ATF2: variants seen among roughly 807,000 people sequenced by gnomAD.
ATF2 encodes the protein cyclic AMP-dependent transcription factor ATF-2.
Under a neutral mutation model 60.6 loss-of-function variants are expected in ATF2, and 24 were observed. That is an observed-to-expected ratio of 0.40 (90% CI 0.29 to 0.56). The LOEUF (loss-of-function observed/expected upper bound fraction) is 0.56. ATF2 is among the 20% of genes least tolerant of loss of function. The probability of loss-of-function intolerance (pLI) is 0.54; values close to 1 mark genes in which losing one functional copy is unlikely to be tolerated. For missense variants in ATF2, 433 were observed against 607.7 expected (o/e 0.71, Z 3.02); for synonymous variants, 206 against 215.4 (o/e 0.96, Z 0.38).
chr2:175,127,631 A>C (rs1697426562), intron 4 of ATF2, among the ~76,000 whole-genome samples: 1 of 152,078 alleles, frequency 6.6e-6, no homozygotes, highest in Admixed American at 6.5e-5. Flanking sequence ...TGGTCATTAT[A>C]TGCTCCAGCC....
At chr2:175,136,865 C>T (rs1425572353) in intron 2 of ATF2, among the ~76,000 whole-genome samples, 4 of 152,122 alleles carry the variant, frequency 2.6e-5, no homozygotes, top group Non-Finnish European at 4.4e-5. Context: ...AAAAAATGTA[C>T]TTACTGATAT....
chr2:175,097,422 A>T, intron 11 of ATF2, 22 bp downstream of exon 11: 1 of 1,612,124 alleles, frequency 6.2e-7, no homozygotes, highest in Non-Finnish European at 8.5e-7. Context: ...AGAGTGCTGA[A>T]TAATAAAAAC....
intron 9 of ATF2, 72 bp from the exon 10 acceptor site, chr2:175,111,726 G>A: frequency 1.6e-6 from 2 of 1,283,704 alleles, no homozygotes; most frequent in Non-Finnish European, 1.1e-6. Flanking sequence ...TACTGCTGTT[G>A]TAATAATTTG....
chr2:175,095,428 A>T (rs1694868955), intron 11 of ATF2, among the ~76,000 whole-genome samples: 1 of 152,166 alleles, frequency 6.6e-6, no homozygotes, highest in South Asian at 2.1e-4. Context: ...TCTTTTACTC[A>T]TCTGGCTGAA....
intron 12 of ATF2, among the ~76,000 whole-genome samples, chr2:175,091,503 C>A (rs1320725720): frequency 1.3e-5 from 2 of 151,714 alleles, no homozygotes; most frequent in African/African-American, 4.8e-5. Flanking sequence ...ACAGTCTGTA[C>A]TATTAAAAAA....
chr2:175,084,612 T>C (rs1290248965), intron 12 of ATF2, among the ~76,000 whole-genome samples: 3 of 149,242 alleles, frequency 2.0e-5, no homozygotes, highest in Non-Finnish European at 4.4e-5. Context: ...ACCGGCACAT[T>C]GTGCACATGT....
At chr2:175,117,895 G>T (rs1358820828) in intron 7 of ATF2, 95 bp downstream of exon 7, 3 of 1,334,980 alleles carry the variant, frequency 2.2e-6, no homozygotes, top group African/African-American at 3.0e-5. Context: ...AGCTGACACT[G>T]AATTTAATAC....
At chr2:175,123,179 G>A (rs1697087526) in intron 4 of ATF2, among the ~76,000 whole-genome samples, 1 of 152,024 alleles carries the variant, frequency 6.6e-6, no homozygotes, top group African/African-American at 2.4e-5. Context: ...CAATTTTGGA[G>A]AAATAAGAAA....
chr2:175,143,246 C>A (rs1390331881), intron 2 of ATF2, among the ~76,000 whole-genome samples: 1 of 151,656 alleles, frequency 6.6e-6, no homozygotes, highest in South Asian at 2.1e-4. Flanking sequence ...TATGGTGATA[C>A]ATAACTTTAT....
intron 1 of ATF2, among the ~76,000 whole-genome samples, chr2:175,165,836 T>G (rs1327958178): frequency 6.6e-6 from 1 of 152,202 alleles, no homozygotes; most frequent in Non-Finnish European, 1.5e-5. Context: ...AGCTAATTTT[T>G]GGTATTTTTA....
chr2:175,157,946 C>T (rs566339265), intron 1 of ATF2, among the ~76,000 whole-genome samples: 1 of 151,774 alleles, frequency 6.6e-6, no homozygotes, highest in South Asian at 2.1e-4. Flanking sequence ...GAGCCGAGAT[C>T]GCGCTACTGC....
chr2:175,077,349 T>C (rs947741697), intron 13 of ATF2, among the ~76,000 whole-genome samples: 1 of 152,186 alleles, frequency 6.6e-6, no homozygotes, highest in Non-Finnish European at 1.5e-5. Flanking sequence ...TATTTCTAGT[T>C]CAAGATCTCT....
chr2:175,114,340 A>G (rs945407444), intron 8 of ATF2: 9 of 1,264,874 alleles, frequency 7.1e-6, no homozygotes, highest in Non-Finnish European at 8.9e-6. Context: ...ACAATCTCCA[A>G]TTTGTAAAAT....
At chr2:175,146,898 TA>T (rs1281197728) in intron 2 of ATF2, among the ~76,000 whole-genome samples, 1 of 151,540 alleles carries the variant, frequency 6.6e-6, no homozygotes, top group East Asian at 1.9e-4. Context: ...GGGAGTACTG[TA>T]TAACCATTAT....
intron 2 of ATF2, among the ~76,000 whole-genome samples, chr2:175,139,100 G>A (rs906165584): frequency 2.6e-5 from 4 of 152,204 alleles, no homozygotes; most frequent in Non-Finnish European, 5.9e-5. Context: ...CTCGGCACAT[G>A]AGTACTGGAT....
At chr2:175,099,052 A>C (rs1303917004) in intron 10 of ATF2, among the ~76,000 whole-genome samples, 1 of 151,868 alleles carries the variant, frequency 6.6e-6, no homozygotes, top group East Asian at 1.9e-4. Context: ...TTGAGATATA[A>C]GTTACACATA....
intron 12 of ATF2, among the ~76,000 whole-genome samples, chr2:175,084,277 A>C (rs1357192378): frequency 6.6e-6 from 1 of 152,130 alleles, no homozygotes; most frequent in African/African-American, 2.4e-5. Flanking sequence ...GATTAAGAAA[A>C]TGTGGCACAT....
At chr2:175,121,868 TATC>T (rs1287571077) in intron 4 of ATF2, among the ~76,000 whole-genome samples, 1 of 151,866 alleles carries the variant, frequency 6.6e-6, no homozygotes, top group African/African-American at 2.4e-5. Flanking sequence ...TAATTTGTCT[TATC>T]ATAGTAGAAA....
chr2:175,144,017 C>G (rs971970489), intron 2 of ATF2, among the ~76,000 whole-genome samples: 1 of 152,116 alleles, frequency 6.6e-6, no homozygotes, highest in Non-Finnish European at 1.5e-5. Context: ...TGATCTTGAA[C>G]TCCTAGGCTC....
Sources: gnomAD v4.1 joint callset for allele counts (sites outside exome capture counted in the v4.1 genomes callset) on GRCh38, gnomAD v4.1.1 for gene constraint, MANE v1.5 for transcripts, NCBI Gene and HGNC (gene_info 2026-07-23, HGNC 2026-07-21) for gene names.